The following SPMIP6 variants were observed in gnomAD, a reference collection of about 807,000 sequenced individuals.
SPMIP6 encodes sperm microtubule inner protein 6.
chr9:34,379,632 C>T, the SPMIP6 span: 1 of 1,610,786 alleles, frequency 6.2e-7, no homozygotes, highest in Non-Finnish European at 8.5e-7. This position sits in a 1 kb window ranked among gnomAD's most constrained non-coding sequence, Gnocchi z 4.2. Context: ...TGAGTGTGTG[C>T]GCGTTAGACT....
the SPMIP6 span, among the ~76,000 whole-genome samples, chr9:34,397,218 C>T: frequency 0.01 from 1,560 of 152,284 alleles, 21 homozygotes; most frequent in African/African-American, 0.031. Flanking sequence ...CTTTCCATTT[C>T]CACTTCCACT....
At chr9:34,379,486 C>T in the SPMIP6 span, among the ~76,000 whole-genome samples, 2 of 152,176 alleles carry the variant, frequency 1.3e-5, no homozygotes, top group Admixed American at 1.3e-4. This position sits in a 1 kb window ranked among gnomAD's most constrained non-coding sequence, Gnocchi z 4.2. Context: ...CTGTCCTTAC[C>T]ACCTTTGACT....
chr9:34,382,702 TG>T, the SPMIP6 span: 1 of 1,152,140 alleles, frequency 8.7e-7, no homozygotes, highest in Non-Finnish European at 1.3e-6. Flanking sequence ...TGGGAGGTGG[TG>T]GGGTATGCGT....
At chr9:34,392,222 C>T in the SPMIP6 span, among the ~76,000 whole-genome samples, 1 of 151,964 alleles carries the variant, frequency 6.6e-6, no homozygotes, top group South Asian at 2.1e-4. This position sits in a 1 kb window ranked among gnomAD's most constrained non-coding sequence, Gnocchi z 4.6. Context: ...ACCATCACAC[C>T]CAGCTAATTT....
the SPMIP6 span, among the ~76,000 whole-genome samples, chr9:34,393,810 C>T: frequency 1.2e-4 from 19 of 152,022 alleles, no homozygotes; most frequent in Non-Finnish European, 2.1e-4. Context: ...TTTTTTCAGT[C>T]TATTTTTCAT....
chr9:34,390,625 T>A, the SPMIP6 span, among the ~76,000 whole-genome samples: 2 of 152,236 alleles, frequency 1.3e-5, no homozygotes, highest in Admixed American at 1.3e-4. Flanking sequence ...TTCTAATATT[T>A]TATTTAGAAT....
chr9:34,393,191 C>A, the SPMIP6 span, among the ~76,000 whole-genome samples: 1 of 152,224 alleles, frequency 6.6e-6, no homozygotes, highest in Admixed American at 6.5e-5. Context: ...GAACACCTAA[C>A]TCTGTCCTGT....
the SPMIP6 span, chr9:34,389,796 A>AG: frequency 6.6e-6 from 1 of 152,230 alleles, no homozygotes; most frequent in African/African-American, 2.4e-5. Context: ...ATACATTGTT[A>AG]GATTTCTAAT....
At chr9:34,386,334 A>C in the SPMIP6 span, among the ~76,000 whole-genome samples, 1 of 152,140 alleles carries the variant, frequency 6.6e-6, no homozygotes, top group Non-Finnish European at 1.5e-5. Flanking sequence ...GGTGACTCAC[A>C]CCTGTAATCC....
chr9:34,390,539 A>G, the SPMIP6 span, among the ~76,000 whole-genome samples: 1 of 152,186 alleles, frequency 6.6e-6, no homozygotes, highest in Admixed American at 6.5e-5. Context: ...TTCTAATGTT[A>G]AACTATCCTT....
the SPMIP6 span, among the ~76,000 whole-genome samples, chr9:34,394,670 G>T: frequency 2.6e-5 from 4 of 152,084 alleles, no homozygotes; most frequent in African/African-American, 9.7e-5. Flanking sequence ...TGTGTGTGTG[G>T]GGTGTGTGTT....
At chr9:34,393,602 A>T in the SPMIP6 span, among the ~76,000 whole-genome samples, 1 of 151,426 alleles carries the variant, frequency 6.6e-6, no homozygotes, top group African/African-American at 2.4e-5. Flanking sequence ...TTTTTTCTCT[A>T]TTTGTGGATT....
chr9:34,381,989 G>T, the SPMIP6 span, among the ~76,000 whole-genome samples: 1 of 152,162 alleles, frequency 6.6e-6, no homozygotes, highest in Non-Finnish European at 1.5e-5. This position sits in a 1 kb window ranked among gnomAD's most constrained non-coding sequence, Gnocchi z 4.4. Flanking sequence ...TATCTGCACT[G>T]CTATTGAGTA....
chr9:34,392,797 C>T, the SPMIP6 span, among the ~76,000 whole-genome samples: 2 of 152,174 alleles, frequency 1.3e-5, no homozygotes, highest in Non-Finnish European at 1.5e-5. The surrounding 1 kb of genome is among the most constrained non-coding windows in gnomAD (Gnocchi z 4.6). Flanking sequence ...CTGCCTACAA[C>T]AATGATGATA....
chr9:34,381,088 G>T, the SPMIP6 span: 14 of 1,610,214 alleles, frequency 8.7e-6, no homozygotes, highest in East Asian at 2.9e-4. This position sits in a 1 kb window ranked among gnomAD's most constrained non-coding sequence, Gnocchi z 4.4. Flanking sequence ...GCAGCTGCTG[G>T]TTCCGCGACA....
the SPMIP6 span, chr9:34,380,609 A>T: frequency 2.1e-6 from 3 of 1,463,120 alleles, no homozygotes; most frequent in Non-Finnish European, 2.7e-6. Context: ...AAACCCTCTG[A>T]CGGGACCTCC....
At chr9:34,391,928 T>C in the SPMIP6 span, among the ~76,000 whole-genome samples, 1 of 140,126 alleles carries the variant, frequency 7.1e-6, no homozygotes, top group Non-Finnish European at 1.6e-5. Flanking sequence ...GGATGTCTGC[T>C]TGACCAATCA....
chr9:34,384,241 T>C, the SPMIP6 span, among the ~76,000 whole-genome samples: 124 of 152,218 alleles, frequency 8.1e-4, no homozygotes, highest in East Asian at 0.024. Flanking sequence ...AGAGGACAAA[T>C]CTGGAAATTA....
chr9:34,380,784 C>T, the SPMIP6 span: 11 of 1,542,574 alleles, frequency 7.1e-6, no homozygotes, highest in Admixed American at 4.0e-5. Flanking sequence ...CAGCGCGGGG[C>T]TAGAGCAGGC....
Sources: gnomAD v4.1 joint callset for allele counts (sites outside exome capture counted in the v4.1 genomes callset) on GRCh38, gnomAD v4.1.1 for gene constraint, Gnocchi (gnomAD v3.1) non-coding constraint, MANE v1.5 for transcripts, NCBI Gene and HGNC (gene_info 2026-07-23, HGNC 2026-07-21) for gene names.